Variants in STIL observed in about 807,000 individuals in gnomAD.
The protein encoded by STIL is STIL centriolar assembly protein.
In STIL, 55 loss-of-function variants were observed where a neutral mutation model predicts 110.1. That is an observed-to-expected ratio of 0.50 (90% CI 0.40 to 0.63). The LOEUF is 0.63. STIL is among the 20% of genes least tolerant of loss of function. The pLI is 0.00. For missense variants in STIL, 1,358 were observed against 1,530.0 expected (o/e 0.89, Z 1.87); for synonymous variants, 481 against 530.0 (o/e 0.91, Z 1.27).
At chr1:47,269,111 C>T (rs903879081) in intron 14 of STIL, among the ~76,000 whole-genome samples, 39 of 150,450 alleles carry the variant, frequency 2.6e-4, no homozygotes, top group Admixed American at 2.2e-3. Context: ...AAAAAAATTT[C>T]TCCATCTGTA....
At position 47,251,750 on chromosome 1, in the gene STIL, G is replaced by A; in HGVS notation, c.3253C>T (p.Arg1085Ter). 1.2e-5 allele frequency: 19 copies of A among 1,614,078 alleles called. No individual in the cohort carries two copies. Among genetic ancestry groups the A allele is most frequent in the Non-Finnish European group, 1.5e-5 (18 of 1,180,004 alleles). The change falls in exon 17 of 17, where the codon CGA (arginine) becomes TGA (stop). Residue 1085 changes from arginine (R) to a stop codon, truncating the protein, a stop_gained. Transcript: ENST00000371877. LOFTEE classifies it high-confidence loss of function. Reference protein sequence around the residue: ...ENQLSQLSVTRSNQNNCDPFS... With the variant: ...ENQLSQLSVT ...GGGTCACAATTATTTTGGTTCGATCGAGTGACAGACAGTTGTGACAGCTGA... is the reference window on the plus strand; with the variant it reads ...GGGTCACAATTATTTTGGTTCGATCAAGTGACAGACAGTTGTGACAGCTGA...
intron 16 of STIL, among the ~76,000 whole-genome samples, chr1:47,255,464 C>T (rs2494247): frequency 0.43 from 64,376 of 150,886 alleles, 15,809 homozygotes; most frequent in South Asian, 0.55. Flanking sequence ...GGGAGGATCA[C>T]TTGAGCCCAG....
chr1:47,308,659 T>TAA (rs577567481), intron 2 of STIL, among the ~76,000 whole-genome samples: 14 of 143,586 alleles, frequency 9.8e-5, no homozygotes, highest in African/African-American at 2.0e-4. Flanking sequence ...TTAATGGGTT[T>TAA]AAAAAAAAAA....
At chr1:47,283,132 C>T (rs1244176433) in intron 10 of STIL, 5 of 152,092 alleles carry the variant, frequency 3.3e-5, no homozygotes, top group Non-Finnish European at 7.3e-5. Context: ...AAAAGAAAAG[C>T]CAGAATGAAA....
Position 47,310,524 on chromosome 1 carries a change from T to C in STIL, c.-43-162A>G, listed in dbSNP as rs564443961. ...TTGTAGATTCTGCCAATCATTTTCATACGTTAGAGTCATTCTGCCAATAAA... is the reference window on the plus strand; with the variant it reads ...TTGTAGATTCTGCCAATCATTTTCACACGTTAGAGTCATTCTGCCAATAAA... On this transcript the variant is annotated intron_variant, in intron 1 of 16. Coordinates refer to ENST00000371877, the MANE Select transcript of STIL (RefSeq NM_001048166.1). Among the ~76,000 whole-genome samples, 21 of 152,374 alleles carry C rather than the reference T, an allele frequency of 1.4e-4. No homozygotes were observed. In the East Asian group the frequency reaches 2.3e-3, roughly 17 times the overall value.
intron 13 of STIL, 95 bp downstream of exon 13, chr1:47,271,981 T>G (rs1644853980): frequency 7.2e-7 from 1 of 1,384,216 alleles, no homozygotes; most frequent in Non-Finnish European, 1.0e-6. Context: ...TTGGTCCTAC[T>G]GCACCATGCA....
intron 3 of STIL, 55 bp downstream of exon 3, chr1:47,304,834 T>G (rs574794796): frequency 7.6e-7 from 1 of 1,312,250 alleles, no homozygotes; most frequent in African/African-American, 1.5e-5. Flanking sequence ...CTTATACATC[T>G]TTGTATTACT....
intron 16 of STIL, among the ~76,000 whole-genome samples, chr1:47,257,599 TAC>T (rs1178102791): frequency 1.3e-5 from 2 of 152,226 alleles, no homozygotes; most frequent in Non-Finnish European, 2.9e-5. Context: ...TCTTAATTAG[TAC>T]AGATCTTTAA....
intron 15 of STIL, among the ~76,000 whole-genome samples, chr1:47,260,741 C>T (rs553744455): frequency 3.3e-5 from 5 of 152,180 alleles, no homozygotes; most frequent in South Asian, 2.1e-4. Flanking sequence ...CGGTGGCACA[C>T]GCCTGTAGTT....
At chr1:47,273,467 C>T (rs1047881107) in intron 12 of STIL, among the ~76,000 whole-genome samples, 3 of 152,216 alleles carry the variant, frequency 2.0e-5, no homozygotes, top group African/African-American at 7.2e-5. Context: ...GGCCTTGTAT[C>T]TGGCTTCTTT....
rs1446616493 is a variant in STIL at position 47,300,036 on chromosome 1, C to G, written c.570G>C (p.Trp190Cys). The G allele has an allele frequency of 2.2e-5, 35 of 1,613,920 alleles. 1 individual carries two copies. In the Admixed American group the frequency reaches 4.7e-4, roughly 22 times the overall value. Reference protein sequence around the residue: ...SLDSVEFDLHWAAVTLANNFK... With the variant: ...SLDSVEFDLHCAAVTLANNFK... ...AGTTATTTGCTAGAGTTACTGCTGC[C>G]CAATGCAAGTCAAATTCCACACTGT... Residue 190 changes from tryptophan (W) to cysteine (C), a missense_variant, in exon 6 of 17, where the codon TGG (tryptophan) becomes TGC (cysteine). By Grantham distance (215) the Trp-to-Cys change is radical. Coordinates refer to ENST00000371877, the MANE Select transcript of STIL (RefSeq NM_001048166.1).
In STIL at chr1:47,279,282, CAA is replaced by C. The variant is rs11325942; in HGVS notation, c.2217+957_2217+958del. Among the ~76,000 whole-genome samples the C allele has an allele frequency of 9.1e-3, 970 of 107,050 alleles. 5 individuals are homozygous for C. The highest frequency in any genetic ancestry group is 0.041 in the East Asian group (135 of 3,298). 70.2% of individuals were successfully genotyped at this position (107,050 alleles called of 152,430 possible). The stretch of plus-strand genomic sequence containing the variant: ...TGGGCGACAGAGAAATACTCCGTCT[CAA>C]AAAAAAAAAAAAAAAATCATACGTA... On this transcript the variant is annotated intron_variant, in intron 12 of 16. Coordinates refer to ENST00000371877, the MANE Select transcript of STIL (RefSeq NM_001048166.1).
chr1:47,270,670 C>CTTTT lies in STIL; in HGVS notation c.2384-808_2384-805dup, dbSNP rs542462270. Among the ~76,000 whole-genome samples the CTTTT allele has an allele frequency of 3.3e-4, 31 of 94,078 alleles. 2 individuals are homozygous for CTTTT. The highest frequency in any genetic ancestry group is 3.8e-4 in the East Asian group (1 of 2,618). 61.7% of individuals were successfully genotyped at this position (94,078 alleles called of 152,430 possible). On this transcript the variant is annotated intron_variant, in intron 13 of 16. Coordinates refer to ENST00000371877, the MANE Select transcript of STIL (RefSeq NM_001048166.1). Reference sequence around the variant, plus strand: ...TAAAAAAAATCAAGTGTTTCCCAATCTTTTTTTTTTTTTTTTTTTTTTTTT... The same window carrying CTTTT: ...TAAAAAAAATCAAGTGTTTCCCAATCTTTTTTTTTTTTTTTTTTTTTTTTTTTTT...
chr1:47,267,961 T>G (rs1644703653), intron 14 of STIL, among the ~76,000 whole-genome samples: 1 of 152,230 alleles, frequency 6.6e-6, no homozygotes, highest in South Asian at 2.1e-4. Context: ...GAGAATTATT[T>G]TACAAATCAC....
chr1:47,251,911 C>T lies in STIL; in HGVS notation c.3092G>A (p.Cys1031Tyr), dbSNP rs1236936077. The change falls in exon 17 of 17, where the codon TGC (cysteine) becomes TAC (tyrosine). Residue 1031 changes from cysteine (C) to tyrosine (Y), a missense_variant. By Grantham distance (194) the Cys-to-Tyr change is radical. Transcript: ENST00000371877. Reference protein sequence around the residue: ...HNVDHASVLACISPEAVISGL... With the variant: ...HNVDHASVLAYISPEAVISGL... ...AGAGATCACTGCTTCTGGGCTGATG[C>T]ATGCCAACACACTGAAAGACACAAA... The T allele has an allele frequency of 6.2e-7, 1 of 1,611,066 alleles. No individual in the cohort carries two copies. The highest frequency in any genetic ancestry group is 2.2e-5 in the East Asian group (1 of 44,876).
At chr1:47,255,319 A>G (rs774724693) in intron 16 of STIL, among the ~76,000 whole-genome samples, 3 of 152,202 alleles carry the variant, frequency 2.0e-5, no homozygotes, top group Non-Finnish European at 4.4e-5. Flanking sequence ...TGAGTTAGCC[A>G]CATGTCAACA....
chr1:47,298,921 T>A (rs1004300301), intron 6 of STIL, among the ~76,000 whole-genome samples: 1 of 152,130 alleles, frequency 6.6e-6, no homozygotes, highest in Admixed American at 6.6e-5. Flanking sequence ...TTTGTTTGTT[T>A]GTTATTTTTA....
chr1:47,258,077 A>G (rs1644374380), intron 16 of STIL, among the ~76,000 whole-genome samples: 1 of 152,258 alleles, frequency 6.6e-6, no homozygotes, highest in South Asian at 2.1e-4. Flanking sequence ...AAAACTGAAA[A>G]GCAATATTTG....
intron 16 of STIL, among the ~76,000 whole-genome samples, chr1:47,256,461 A>T (rs1644329669): frequency 6.6e-6 from 1 of 151,906 alleles, no homozygotes; most frequent in Non-Finnish European, 1.5e-5. Context: ...TCTCTACTAA[A>T]AACACAAAAC....
Sources: gnomAD v4.1 joint callset for allele counts (sites outside exome capture counted in the v4.1 genomes callset) on GRCh38, gnomAD v4.1.1 for gene constraint, MANE v1.5 for transcripts, NCBI Gene and HGNC (gene_info 2026-07-23, HGNC 2026-07-21) for gene names.